Variants in CNOT1 observed in about 807,000 individuals in gnomAD.
CNOT1 encodes the protein CCR4-NOT transcription complex subunit 1.
Under a neutral mutation model 273.8 loss-of-function variants are expected in CNOT1, and 15 were observed. The observed-to-expected ratio is 0.05, with a 90% CI of 0.04 to 0.08. The LOEUF is 0.08. CNOT1 is among the 10% of genes least tolerant of loss of function. CNOT1 has a pLI of 1.00. For missense variants in CNOT1, 1,644 were observed against 2,912.2 expected, an observed-to-expected ratio of 0.56 and a Z score of 10.02; for synonymous variants, 1,022 against 1,005.5, an observed-to-expected ratio of 1.02 and a Z score of -0.31.
chr16:58,556,816 C>G, intron 19 of CNOT1, 31 bp downstream of exon 19: 2 of 1,607,914 alleles, frequency 1.2e-6, no homozygotes, highest in Non-Finnish European at 1.7e-6. Flanking sequence ...ATCAGTCACA[C>G]TTCACAATCA....
At chr16:58,610,770 G>A (rs1397203309) in intron 1 of CNOT1, among the ~76,000 whole-genome samples, 4 of 151,874 alleles carry the variant, frequency 2.6e-5, no homozygotes, top group African/African-American at 7.3e-5. Context: ...GTGAACCCAG[G>A]AGGTGGAGCT....
chr16:58,539,338 T>A (rs961853006), intron 35 of CNOT1, among the ~76,000 whole-genome samples: 1 of 151,752 alleles, frequency 6.6e-6, no homozygotes, highest in Non-Finnish European at 1.5e-5. Flanking sequence ...ACAAAAAAAT[T>A]AAAAATTAGC....
chr16:58,537,201 C>T lies in CNOT1; in HGVS notation c.5434G>A (p.Val1812Ile), dbSNP rs1275262903. ...APEGLPQLME[V>I]VRSNYEAMID... is the part of the protein sequence containing the mutation. ...ATTGCTTCATAGTTGGATCGCACTA[C>T]TTCCATCAGCTGGGGCAATCTAGCA... The change falls in exon 39 of 49, where the codon GTA becomes ATA. Residue 1812 changes from valine (V) to isoleucine (I), a missense_variant. Physicochemically the swap from Val to Ile is conservative, Grantham distance 29. Coordinates refer to ENST00000317147, the MANE Select transcript of CNOT1 (RefSeq NM_016284.5). 10 of 1,605,048 alleles carry T rather than the reference C, an allele frequency of 6.2e-6. No individual in the cohort carries two copies. Among genetic ancestry groups the T allele is most frequent in the African/African-American group, 1.3e-5 (1 of 74,704 alleles).
At position 58,586,576 on chromosome 16, in the gene CNOT1, C is replaced by T. The variant is rs1395859760; in HGVS notation, c.606G>A (p.Gln202=). The change falls in exon 7 of 49, where the codon CAG becomes CAA. Residue 202 remains glutamine (Q), a synonymous_variant. Coordinates refer to ENST00000317147, the MANE Select transcript of CNOT1 (RefSeq NM_016284.5). ...GCAGCGTCTTAAGAAAAGCGTCTAT[C>T]TGTTCTTGTCCAACTCCAAAGGCTC... ...QKGAFGVGQE[Q]IDAFLKTLRR... 2 of 1,611,736 alleles carry T rather than the reference C, an allele frequency of 1.2e-6. No individual in the cohort carries two copies. The highest frequency in any genetic ancestry group is 1.7e-6 in the Non-Finnish European group (2 of 1,179,550).
chr16:58,618,037 A>G (rs778159451), intron 1 of CNOT1, among the ~76,000 whole-genome samples: 7 of 152,212 alleles, frequency 4.6e-5, no homozygotes, highest in Non-Finnish European at 8.8e-5. Context: ...GACTTTCCAC[A>G]TTAACACAAA....
intron 16 of CNOT1, 60 bp downstream of exon 16, chr16:58,574,549 T>C (rs2041396125): frequency 1.4e-6 from 2 of 1,476,434 alleles, no homozygotes; most frequent in Non-Finnish European, 1.8e-6. Flanking sequence ...CTTCCGCAAG[T>C]CTACAATTAT....
chr16:58,610,442 G>C (rs984679176), intron 1 of CNOT1, among the ~76,000 whole-genome samples: 4 of 152,006 alleles, frequency 2.6e-5, no homozygotes, highest in African/African-American at 9.7e-5. Context: ...GGTAGCTCAT[G>C]CCTGTAATCC....
intron 2 of CNOT1, among the ~76,000 whole-genome samples, chr16:58,592,605 T>C (rs932577859): frequency 9.9e-5 from 15 of 152,078 alleles, no homozygotes; most frequent in Admixed American, 2.6e-4. Flanking sequence ...ACAAACAAAG[T>C]AGTCCAGAGA....
At chr16:58,598,676 G>A (rs1241062015) in intron 2 of CNOT1, among the ~76,000 whole-genome samples, 1 of 151,806 alleles carries the variant, frequency 6.6e-6, no homozygotes, top group African/African-American at 2.4e-5. Flanking sequence ...CTAGCTAGCA[G>A]GTTTCTCAGG....
intron 16 of CNOT1, among the ~76,000 whole-genome samples, chr16:58,564,327 G>GCAAA (rs974595811): frequency 2.0e-5 from 3 of 150,166 alleles, no homozygotes; most frequent in Non-Finnish European, 3.0e-5. Context: ...AAAAACAAAA[G>GCAAA]CAAACAAACA....
At chr16:58,600,172 C>T (rs2042410718) in intron 1 of CNOT1, among the ~76,000 whole-genome samples, 2 of 151,794 alleles carry the variant, frequency 1.3e-5, no homozygotes, top group African/African-American at 4.8e-5. Context: ...TGGTGAAACC[C>T]CGTCTCTACT....
chr16:58,522,174 C>T (rs1338828371), intron 47 of CNOT1, among the ~76,000 whole-genome samples: 2 of 137,374 alleles, frequency 1.5e-5, no homozygotes, highest in African/African-American at 2.9e-5. Flanking sequence ...AAAAAATTAG[C>T]CGGACGTGGT....
intron 30 of CNOT1, among the ~76,000 whole-genome samples, chr16:58,545,030 TAAAG>T (rs2040211841): frequency 2.0e-5 from 3 of 152,180 alleles, no homozygotes; most frequent in African/African-American, 7.2e-5. Context: ...AGTGACAAGA[TAAAG>T]AAAATAAAAA....
At chr16:58,596,277 C>T (rs2042245346) in intron 2 of CNOT1, among the ~76,000 whole-genome samples, 1 of 63,698 alleles carries the variant, frequency 1.6e-5, no homozygotes, top group Admixed American at 1.2e-4. Context: ...GCTGCAGCAT[C>T]CAGGAGGCAC....
chr16:58,522,237 C>CAAAAAAAAAAA (rs56149974), intron 47 of CNOT1, among the ~76,000 whole-genome samples: 21 of 98,590 alleles, frequency 2.1e-4, no homozygotes, highest in African/African-American at 8.5e-4. Context: ...GAGACTGTCT[C>CAAAAAAAAAAA]AAAAAAAAAA....
Position 58,538,236 on chromosome 16 carries a change from T to C in CNOT1, c.5166A>G (p.Lys1722=), listed in dbSNP as rs770911287. 1.1e-5 allele frequency: 15 copies of C among 1,410,540 alleles called. No homozygotes were observed. The highest frequency in any genetic ancestry group is 2.3e-5 in the East Asian group (1 of 43,976). The allele number at this position is 1,410,540 out of a possible 1,614,324, so 87.4% of individuals were successfully genotyped here. A position where few individuals can be genotyped will look rare whatever the true frequency, so the allele number is the denominator to read the frequency against. ...RCLIECRDEY[K]YNVEAVELLI... ...GCAGCTCCACAGCCTCCACATTATATTTATATTCATCTCGACATTCAATTA... is the reference window on the plus strand; with the variant it reads ...GCAGCTCCACAGCCTCCACATTATACTTATATTCATCTCGACATTCAATTA... Residue 1722 remains lysine, a synonymous_variant, in exon 37 of 49, where the codon AAA becomes AAG. Coordinates refer to ENST00000317147, the MANE Select transcript of CNOT1 (RefSeq NM_016284.5).
intron 16 of CNOT1, among the ~76,000 whole-genome samples, chr16:58,562,110 G>C (rs1033571968): frequency 5.3e-5 from 8 of 151,102 alleles, no homozygotes; most frequent in African/African-American, 1.9e-4. Context: ...TGAGGCAGGA[G>C]AATTGCTTGA....
chr16:58,570,368 T>C (rs1247840346), intron 16 of CNOT1, among the ~76,000 whole-genome samples: 2 of 152,216 alleles, frequency 1.3e-5, no homozygotes, highest in African/African-American at 4.8e-5. Flanking sequence ...CTGGGTGCAG[T>C]GGCTCATTTC....
intron 46 of CNOT1, chr16:58,523,807 C>G: frequency 4.4e-6 from 1 of 227,080 alleles, no homozygotes; most frequent in South Asian, 9.8e-5. Flanking sequence ...TTGCAGATCT[C>G]TAAGTCTTGC....
Sources: gnomAD v4.1 joint callset for allele counts (sites outside exome capture counted in the v4.1 genomes callset) on GRCh38, gnomAD v4.1.1 for gene constraint, MANE v1.5 for transcripts, NCBI Gene and HGNC (gene_info 2026-07-23, HGNC 2026-07-21) for gene names.